Variants in GFRAL observed in about 807,000 individuals in gnomAD.
The protein encoded by GFRAL is GDNF family receptor alpha like, also known as GDNF family receptor alpha-like.
A neutral mutation model predicts 45.4 loss-of-function variants in GFRAL; 36 were observed. The observed-to-expected ratio is 0.79, with a 90% CI of 0.61 to 1.05. GFRAL has a LOEUF of 1.05. Among genes scored for constraint, GFRAL ranks in the 50% least tolerant of loss-of-function variants. The pLI, the probability that GFRAL is intolerant of heterozygous loss-of-function variation, is 0.00. For synonymous variants in GFRAL, 166 were observed against 154.1 expected, an observed-to-expected ratio of 1.08 and a Z score of -0.57; for missense variants, 507 against 467.5, an observed-to-expected ratio of 1.08 and a Z score of -0.78.
At chr6:55,385,630 C>T (rs1172856858) in intron 6 of GFRAL, among the ~76,000 whole-genome samples, 1 of 151,958 alleles carries the variant, frequency 6.6e-6, no homozygotes, top group Non-Finnish European at 1.5e-5. Flanking sequence ...ATTTTATTCA[C>T]CATAATATAC....
chr6:55,401,582 T>A (rs1021617595), intron 8 of GFRAL, among the ~76,000 whole-genome samples: 3 of 152,238 alleles, frequency 2.0e-5, no homozygotes, highest in Non-Finnish European at 4.4e-5. Context: ...AAGGACTTTT[T>A]AAAAAATGAT....
intron 3 of GFRAL, among the ~76,000 whole-genome samples, chr6:55,349,793 C>T (rs1286129063): frequency 4.7e-5 from 7 of 149,796 alleles, no homozygotes; most frequent in African/African-American, 1.7e-4. Context: ...CAGTCAGCAT[C>T]CAATGTTTGT....
chr6:55,351,650 C>G (rs946334587), intron 5 of GFRAL, 67 bp downstream of exon 5: 7 of 1,084,252 alleles, frequency 6.5e-6, no homozygotes, highest in Non-Finnish European at 9.3e-6. Context: ...CCAGTCCTAA[C>G]ACTTGATCTC....
chr6:55,379,346 G>A lies in GFRAL; in HGVS notation c.953-19834G>A, dbSNP rs114149370. Among the ~76,000 whole-genome samples, 624 of 151,852 alleles carry A rather than the reference G, an allele frequency of 4.1e-3. 5 individuals carry two copies. Among genetic ancestry groups the A allele is most frequent in the African/African-American group, 0.014 (584 of 41,448 alleles). ...CCCCATCAGGGAGACCCCAGTGTCT[G>A]TTGTTTCCTTCTTTAACACTCTGCC... On this transcript the variant is annotated intron_variant, in intron 6 of 8. Coordinates refer to ENST00000340465, the MANE Select transcript of GFRAL (RefSeq NM_207410.2).
chr6:55,362,964 AGG>A (rs1161062209), intron 6 of GFRAL, among the ~76,000 whole-genome samples: 3 of 148,560 alleles, frequency 2.0e-5, no homozygotes, highest in Non-Finnish European at 3.0e-5. Context: ...GAGGAGGAGA[AGG>A]GGGAGGAGGG....
At position 55,379,973 on chromosome 6, in the gene GFRAL, T is replaced by TA. The variant is rs201152994; in HGVS notation, c.953-19200dup. ...ACAGTTTCATCCATGTTGTTGCAAATAAAAAAATTCATTTTTTTCCATGGT... is the reference window on the plus strand; with the variant it reads ...ACAGTTTCATCCATGTTGTTGCAAATAAAAAAAATTCATTTTTTTCCATGGT... On this transcript the variant is annotated intron_variant, in intron 6 of 8. Coordinates refer to ENST00000340465, the MANE Select transcript of GFRAL (RefSeq NM_207410.2). Among the ~76,000 whole-genome samples the TA allele has an allele frequency of 9.1e-3, 1,389 of 152,038 alleles. 20 individuals are homozygous for TA. Among genetic ancestry groups the TA allele is most frequent in the African/African-American group, 0.032 (1,330 of 41,500 alleles).
intron 6 of GFRAL, among the ~76,000 whole-genome samples, chr6:55,368,976 G>C (rs1026579738): frequency 4.3e-4 from 66 of 152,176 alleles, no homozygotes; most frequent in African/African-American, 1.5e-3. Flanking sequence ...CCACCCAGTT[G>C]GAGCTTCCCG....
At chr6:55,328,099 G>A (rs1408189086) in intron 1 of GFRAL, among the ~76,000 whole-genome samples, 2 of 151,972 alleles carry the variant, frequency 1.3e-5, no homozygotes, top group East Asian at 1.9e-4. Context: ...ATATCAGAAT[G>A]CTTCATATTT....
intron 6 of GFRAL, 53 bp downstream of exon 6, chr6:55,359,191 A>C: frequency 1.4e-6 from 2 of 1,451,362 alleles, no homozygotes; most frequent in Non-Finnish European, 1.9e-6. Context: ...TCTATCATCT[A>C]TCTATCTATC....
chr6:55,398,542 C>A (rs1341851550), intron 6 of GFRAL, among the ~76,000 whole-genome samples: 1 of 152,096 alleles, frequency 6.6e-6, no homozygotes, highest in African/African-American at 2.4e-5. Context: ...GTAGAAAAGC[C>A]AGAGAAAAGA....
At chr6:55,395,162 G>GAAAAAA (rs869161118) in intron 6 of GFRAL, among the ~76,000 whole-genome samples, 10 of 125,168 alleles carry the variant, frequency 8.0e-5, no homozygotes, top group Non-Finnish European at 9.8e-5. Context: ...TCAGCCTATG[G>GAAAAAA]AAAAAAAAAA....
intron 6 of GFRAL, among the ~76,000 whole-genome samples, chr6:55,383,442 T>C (rs1768638413): frequency 6.6e-6 from 1 of 152,000 alleles, no homozygotes; most frequent in Non-Finnish European, 1.5e-5. Flanking sequence ...TGTGTTATAC[T>C]TTGTTATACT....
rs1248082105 is a variant in GFRAL at position 55,342,597 on chromosome 6, G to A, written c.317-7495G>A. 4.0e-3 allele frequency among the ~76,000 whole-genome samples: 597 copies of A among 150,052 alleles called. 4 individuals are homozygous for A. The highest frequency in any genetic ancestry group is 6.8e-3 in the Middle Eastern group (2 of 292). On this transcript the variant is annotated intron_variant, in intron 3 of 8. Coordinates refer to ENST00000340465, the MANE Select transcript of GFRAL (RefSeq NM_207410.2). The stretch of plus-strand genomic sequence containing the variant: ...ATGCCAAATTGTAAAGACCATCGAT[G>A]TTAGGAAGAAACTGCATCAACCAAC...
At chr6:55,387,285 C>A (rs748643817) in intron 6 of GFRAL, among the ~76,000 whole-genome samples, 2 of 152,122 alleles carry the variant, frequency 1.3e-5, no homozygotes, top group African/African-American at 2.4e-5. Context: ...CATTTTCCAC[C>A]CTTATATTTT....
chr6:55,382,058 G>C (rs574920627), intron 6 of GFRAL, among the ~76,000 whole-genome samples: 1 of 151,802 alleles, frequency 6.6e-6, no homozygotes, highest in African/African-American at 2.4e-5. Context: ...ATTCAGTCCA[G>C]GTGCTAAAAA....
chr6:55,357,937 C>A (rs560467101), intron 5 of GFRAL, among the ~76,000 whole-genome samples: 1 of 151,758 alleles, frequency 6.6e-6, no homozygotes, highest in Non-Finnish European at 1.5e-5. Context: ...TTATATGTAA[C>A]CCTTAACAGC....
intron 6 of GFRAL, among the ~76,000 whole-genome samples, chr6:55,374,170 C>T (rs1403997183): frequency 6.6e-6 from 1 of 152,096 alleles, no homozygotes; most frequent in Non-Finnish European, 1.5e-5. Context: ...TTAGGCTGAT[C>T]CCATGTCTTC....
At chr6:55,361,236 A>G (rs1768271541) in intron 6 of GFRAL, among the ~76,000 whole-genome samples, 2 of 152,114 alleles carry the variant, frequency 1.3e-5, no homozygotes, top group South Asian at 4.2e-4. Context: ...AATTAAAGGA[A>G]CCTCAAAGGC....
chr6:55,350,013 T>G (rs1768095098), intron 3 of GFRAL, 79 bp from the exon 4 acceptor site: 4 of 829,530 alleles, frequency 4.8e-6, no homozygotes, highest in Non-Finnish European at 8.3e-6. Context: ...CTTTACTCAT[T>G]TATAAATGTG....
Sources: allele counts gnomAD v4.1 joint callset (sites outside exome capture counted in the v4.1 genomes callset), GRCh38; gene constraint gnomAD v4.1.1; transcripts MANE v1.5; gene names NCBI Gene and HGNC (gene_info 2026-07-23, HGNC 2026-07-21).